KDM4C: variants seen among roughly 807,000 people sequenced by gnomAD.
KDM4C encodes lysine demethylase 4C, also known as lysine-specific demethylase 4C.
In KDM4C, 81 loss-of-function variants were observed where a neutral mutation model predicts 129.3. The observed-to-expected ratio is 0.63, with a 90% confidence interval of 0.52 to 0.75. KDM4C has a LOEUF of 0.75. KDM4C is among the 30% of genes least tolerant of loss of function. The probability of loss-of-function intolerance (pLI) is 0.00; values close to 1 mark genes in which losing one functional copy is unlikely to be tolerated. For missense variants in KDM4C, 1,457 were observed against 1,304.0 expected, an observed-to-expected ratio of 1.12 and a Z score of -1.81; for synonymous variants, 573 against 456.1, an observed-to-expected ratio of 1.26 and a Z score of -3.26.
intron 1 of KDM4C, chr9:6,723,443 A>G (rs1817021941): frequency 6.6e-6 from 1 of 151,896 alleles, no homozygotes; most frequent in Admixed American, 6.6e-5. Context: ...AAGTAAGTCC[A>G]AAACTGTGCT....
intron 12 of KDM4C, among the ~76,000 whole-genome samples, chr9:7,011,109 T>G (rs1450034985): frequency 6.6e-6 from 1 of 152,194 alleles, no homozygotes; most frequent in Admixed American, 6.5e-5. Flanking sequence ...AGGGGTATTT[T>G]ATGAGAAGAT....
chr9:7,089,225 A>G (rs1178325224), intron 17 of KDM4C, among the ~76,000 whole-genome samples: 5 of 151,180 alleles, frequency 3.3e-5, no homozygotes, highest in Non-Finnish European at 7.4e-5. Context: ...CAAATTGTAG[A>G]ATCCTCACAG....
intron 4 of KDM4C, among the ~76,000 whole-genome samples, chr9:6,842,286 A>T (rs1465591569): frequency 6.7e-6 from 1 of 149,812 alleles, no homozygotes; most frequent in Non-Finnish European, 1.5e-5. Flanking sequence ...ATTTGGCCAC[A>T]GATTTATTTT....
chr9:6,742,645 G>A (rs534736668), intron 1 of KDM4C, among the ~76,000 whole-genome samples: 5 of 146,046 alleles, frequency 3.4e-5, no homozygotes, highest in African/African-American at 1.3e-4. Flanking sequence ...ATTGTTCACA[G>A]ATTCCTCAGG....
At chr9:7,016,177 G>C (rs1378555358) in intron 15 of KDM4C, among the ~76,000 whole-genome samples, 1 of 150,122 alleles carries the variant, frequency 6.7e-6, no homozygotes, top group African/African-American at 2.5e-5. Flanking sequence ...GCCCAGGCTA[G>C]AGTGCAGTGG....
At chr9:6,860,660 CAT>C (rs1840756662) in intron 5 of KDM4C, among the ~76,000 whole-genome samples, 1 of 152,170 alleles carries the variant, frequency 6.6e-6, no homozygotes, top group Admixed American at 6.5e-5. Flanking sequence ...TGAGAAGAGA[CAT>C]AGAGTCTGAG....
chr9:6,841,057 C>T (rs530126873), intron 4 of KDM4C, among the ~76,000 whole-genome samples: 151 of 152,240 alleles, frequency 9.9e-4, no homozygotes, highest in African/African-American at 1.5e-3. Context: ...CGTTAAGTTA[C>T]GGGGTAGACC....
chr9:6,913,895 G>A (rs1819801854), intron 8 of KDM4C, among the ~76,000 whole-genome samples: 1 of 152,166 alleles, frequency 6.6e-6, no homozygotes, highest in South Asian at 2.1e-4. Flanking sequence ...TAGATGGAAG[G>A]GATAGTATGA....
chr9:6,746,475 G>C (rs1031826248), intron 1 of KDM4C, among the ~76,000 whole-genome samples: 1 of 146,798 alleles, frequency 6.8e-6, no homozygotes, highest in African/African-American at 2.5e-5. Context: ...CACCGTGTTA[G>C]CCAGGATGGT....
intron 8 of KDM4C, among the ~76,000 whole-genome samples, chr9:6,930,720 TTATAA>T (rs1179160195): frequency 2.9e-4 from 42 of 147,092 alleles, no homozygotes; most frequent in African/African-American, 9.6e-4. Flanking sequence ...TATACTATTA[TTATAA>T]TATAATAATT....
At chr9:6,818,366 A>G (rs986307117) in intron 4 of KDM4C, among the ~76,000 whole-genome samples, 1 of 152,140 alleles carries the variant, frequency 6.6e-6, no homozygotes, top group African/African-American at 2.4e-5. Flanking sequence ...AGCAATAATA[A>G]ATTTCTTATG....
chr9:7,109,804 C>T (rs1838115448), intron 18 of KDM4C, among the ~76,000 whole-genome samples: 1 of 152,154 alleles, frequency 6.6e-6, no homozygotes, highest in African/African-American at 2.4e-5. Flanking sequence ...TTTTAAACCA[C>T]TTTTAAATGG....
intron 8 of KDM4C, among the ~76,000 whole-genome samples, chr9:6,896,481 A>G (rs887307606): frequency 4.0e-5 from 6 of 151,080 alleles, no homozygotes; most frequent in Non-Finnish European, 7.4e-5. Context: ...AAATATATAT[A>G]TATATATAAA....
intron 4 of KDM4C, among the ~76,000 whole-genome samples, chr9:6,846,355 G>A (rs1291337466): frequency 6.6e-6 from 1 of 152,138 alleles, no homozygotes; most frequent in Non-Finnish European, 1.5e-5. Context: ...TAAGATACAA[G>A]TGTGTATAGT....
At chr9:7,071,179 A>G (rs143313539) in intron 17 of KDM4C, among the ~76,000 whole-genome samples, 2 of 152,230 alleles carry the variant, frequency 1.3e-5, no homozygotes, top group Admixed American at 1.3e-4. Flanking sequence ...CTAAATAAGT[A>G]GAAAGTTACA....
intron 11 of KDM4C, 64 bp from the exon 12 acceptor site, chr9:6,990,352 T>G (rs900477972): frequency 3.6e-5 from 22 of 610,796 alleles, no homozygotes; most frequent in Admixed American, 2.9e-4. Context: ...AACTGTAGGG[T>G]TTTTTTTTTT....
chr9:6,850,864 C>T (rs1409013369), intron 5 of KDM4C, among the ~76,000 whole-genome samples: 1 of 152,188 alleles, frequency 6.6e-6, no homozygotes, highest in East Asian at 1.9e-4. Flanking sequence ...AAGCGATTCT[C>T]CTGCCTCAGC....
intron 4 of KDM4C, among the ~76,000 whole-genome samples, chr9:6,847,809 G>A (rs926434790): frequency 6.6e-6 from 1 of 152,140 alleles, no homozygotes; most frequent in Non-Finnish European, 1.5e-5. Context: ...ATGTCCTTTG[G>A]CATGTTCAGT....
intron 1 of KDM4C, among the ~76,000 whole-genome samples, chr9:6,759,697 A>G (rs1818996430): frequency 6.6e-6 from 1 of 152,238 alleles, no homozygotes; most frequent in South Asian, 2.1e-4. Flanking sequence ...TCCTGCCTGT[A>G]ATCCCAACAC....
Sources: allele counts gnomAD v4.1 joint callset (sites outside exome capture counted in the v4.1 genomes callset), GRCh38; gene constraint gnomAD v4.1.1; transcripts MANE v1.5; gene names NCBI Gene and HGNC (gene_info 2026-07-23, HGNC 2026-07-21).